NLRP11: variants seen among roughly 807,000 people sequenced by gnomAD.
NLRP11 encodes NACHT, LRR and PYD domains-containing protein 11.
In NLRP11, 53 loss-of-function variants were observed where a neutral mutation model predicts 79.3. That is an observed-to-expected ratio of 0.67 (90% CI 0.54 to 0.84). The LOEUF (loss-of-function observed/expected upper bound fraction) is 0.84, where lower values mean the gene tolerates loss of function less well. Among genes scored for constraint, NLRP11 ranks in the 40% least tolerant of loss-of-function variants. The pLI, the probability that NLRP11 is intolerant of heterozygous loss-of-function variation, is 0.00. For missense variants in NLRP11, 1,264 were observed against 1,255.0 expected (o/e 1.01, Z -0.11); for synonymous variants, 518 against 462.6 (o/e 1.12, Z -1.54).
At chr19:55,789,158 C>G (rs916330018) in intron 8 of NLRP11, 71 bp downstream of exon 8, 3 of 1,474,188 alleles carry the variant, frequency 2.0e-6, no homozygotes, top group Non-Finnish European at 2.8e-6. Context: ...ATTTCCCAAT[C>G]CACTTCCTCT....
intron 2 of NLRP11, among the ~76,000 whole-genome samples, chr19:55,816,336 C>T (rs4801631): frequency 0.48 from 73,531 of 151,978 alleles, 19,955 homozygotes; most frequent in African/African-American, 0.73. Context: ...GATGTGACAA[C>T]TGTAAATATA....
intron 1 of NLRP11, among the ~76,000 whole-genome samples, chr19:55,830,585 C>G (rs995077538): frequency 2.4e-5 from 3 of 126,512 alleles, no homozygotes; most frequent in African/African-American, 1.0e-4. Flanking sequence ...CTAGTGATGG[C>G]TTCTTAGCTT....
At chr19:55,807,751 G>A in intron 4 of NLRP11, 102 bp downstream of exon 4, 1 of 749,464 alleles carries the variant, frequency 1.3e-6, no homozygotes, top group South Asian at 2.3e-5. Context: ...TGATGAGCCT[G>A]ACCTGAAAGT....
chr19:55,809,231 A>G lies in NLRP11; in HGVS notation c.1379T>C (p.Ile460Thr), dbSNP rs866952822. The change falls in exon 3 of 10, where the codon ATT becomes ACT. Residue 460 changes from isoleucine to threonine, a missense_variant. Coordinates refer to ENST00000589093, the Ensembl canonical transcript of NLRP11. The surrounding 1 kb of genome is among the most constrained non-coding windows in gnomAD (Gnocchi z 4.5). ...GTTGGGTACTGCCATCAGAAATGCA[A>G]TGGCTGTACAAAACTCCTGGACGTT... is the stretch of plus-strand genomic sequence containing the variant. 1 of 1,613,984 alleles carries G rather than the reference A, an allele frequency of 6.2e-7. No homozygotes were observed. Among genetic ancestry groups the G allele is most frequent in the Non-Finnish European group, 8.5e-7 (1 of 1,179,840 alleles).
chr19:55,789,836 A>AT lies in NLRP11; in HGVS notation c.2514-438dup, dbSNP rs551028099. Among the ~76,000 whole-genome samples the AT allele has an allele frequency of 2.7e-4, 41 of 152,170 alleles. No individual in the cohort carries two copies. The South Asian group carries it at 8.1e-3, about 30-fold the overall frequency. ...TAAATACATTCTTTCTATAAAGAGG[A>AT]TTTTACCAAATGGTCCTTTCTCAAA... is the stretch of plus-strand genomic sequence containing the variant. On this transcript the variant is annotated intron_variant, in intron 7 of 9. Coordinates refer to ENST00000589093, the Ensembl canonical transcript of NLRP11.
intron 5 of NLRP11, among the ~76,000 whole-genome samples, chr19:55,798,960 G>A (rs2099545738): frequency 6.6e-6 from 1 of 152,182 alleles, no homozygotes; most frequent in African/African-American, 2.4e-5. Context: ...AACAGACCTA[G>A]AAAATTTGTC....
intron 1 of NLRP11, among the ~76,000 whole-genome samples, chr19:55,823,379 G>C (rs1407893696): frequency 3.7e-5 from 5 of 136,606 alleles, no homozygotes; most frequent in African/African-American, 1.5e-4. Flanking sequence ...AAGGAACGCA[G>C]TTCCTCCCCA....
exon 9 of NLRP11, chr19:55,788,827 A>G (rs758594787): frequency 6.2e-7 from 1 of 1,613,104 alleles, no homozygotes; most frequent in Non-Finnish European, 8.5e-7. Flanking sequence ...TAAGTACACA[A>G]TCTGGGCTGA....
chr19:55,796,924 G>C (rs982988141), intron 5 of NLRP11, among the ~76,000 whole-genome samples: 3 of 151,954 alleles, frequency 2.0e-5, no homozygotes, highest in Non-Finnish European at 4.4e-5. Context: ...CCCGGCCTCA[G>C]GGGATCCACC....
At chr19:55,815,962 T>C (rs1981073828) in intron 2 of NLRP11, among the ~76,000 whole-genome samples, 1 of 152,166 alleles carries the variant, frequency 6.6e-6, no homozygotes, top group African/African-American at 2.4e-5. Context: ...ATAAAGTATA[T>C]ATAAGCCATG....
At chr19:55,833,222 A>G (rs1982946794), upstream of NLRP11, among the ~76,000 whole-genome samples, 1 of 152,246 alleles carries the variant, frequency 6.6e-6, no homozygotes, top group Non-Finnish European at 1.5e-5. Context: ...GGATAACATT[A>G]CATTCTTGTA....
chr19:55,792,419 G>A, exon 7 of NLRP11: 1 of 1,614,090 alleles, frequency 6.2e-7, no homozygotes, highest in African/African-American at 1.3e-5. Flanking sequence ...CTGAACAGAA[G>A]CACTCTTCCA....
Position 55,831,287 on chromosome 19 carries a change from T to C in NLRP11, c.-63+676A>G, listed in dbSNP as rs146043184. On this transcript the variant is annotated intron_variant, in intron 1 of 9. Coordinates refer to ENST00000589093, the Ensembl canonical transcript of NLRP11. The stretch of plus-strand genomic sequence containing the variant: ...CATTAAAATAGAGCTCAGGACCGGG[T>C]GCAGGAGCTCACGCCTGTAATCCCA... Among the ~76,000 whole-genome samples, 89 of 151,350 alleles carry C rather than the reference T, an allele frequency of 5.9e-4. 1 individual carries two copies. In the East Asian group the frequency reaches 0.013, roughly 22 times the overall value.
At chr19:55,815,953 T>C (rs564166365) in intron 2 of NLRP11, among the ~76,000 whole-genome samples, 1 of 152,258 alleles carries the variant, frequency 6.6e-6, no homozygotes, top group East Asian at 1.9e-4. Flanking sequence ...CTTGACTCCA[T>C]AAAGTATATA....
At chr19:55,797,177 T>C (rs1004392519) in intron 5 of NLRP11, among the ~76,000 whole-genome samples, 6 of 152,176 alleles carry the variant, frequency 3.9e-5, no homozygotes, top group African/African-American at 1.2e-4. Context: ...TGCACGACTA[T>C]AGTCCCAGCT....
At chr19:55,814,313 T>C (rs757512148) in intron 2 of NLRP11, among the ~76,000 whole-genome samples, 68 of 152,166 alleles carry the variant, frequency 4.5e-4, no homozygotes, top group Admixed American at 9.8e-4. Context: ...TTCTACATCA[T>C]GGCGAGTTGT....
intron 7 of NLRP11, among the ~76,000 whole-genome samples, chr19:55,790,441 C>T (rs1990168716): frequency 6.6e-6 from 1 of 152,130 alleles, no homozygotes; most frequent in South Asian, 2.1e-4. Flanking sequence ...CTGGGTGATA[C>T]AGTTTGCTGA....
At chr19:55,831,299 C>T (rs1035618216) in intron 1 of NLRP11, among the ~76,000 whole-genome samples, 25 of 151,720 alleles carry the variant, frequency 1.6e-4, no homozygotes, top group African/African-American at 3.6e-4. Flanking sequence ...CAGGAGCTCA[C>T]GCCTGTAATC....
intron 4 of NLRP11, among the ~76,000 whole-genome samples, chr19:55,805,587 T>C (rs1316230065): frequency 6.6e-6 from 1 of 152,112 alleles, no homozygotes; most frequent in African/African-American, 2.4e-5. Context: ...TCACCCAGGC[T>C]GGAGTGCAGT....
Sources: gnomAD v4.1 joint callset for allele counts (sites outside exome capture counted in the v4.1 genomes callset) on GRCh38, gnomAD v4.1.1 for gene constraint, Gnocchi (gnomAD v3.1) non-coding constraint, MANE v1.5 for transcripts, NCBI Gene and HGNC (gene_info 2026-07-23, HGNC 2026-07-21) for gene names.